Variants in COG5 observed in about 807,000 individuals in gnomAD.
COG5 encodes conserved oligomeric Golgi complex subunit 5.
A neutral mutation model predicts 110.4 loss-of-function variants in COG5; 86 were observed. That is an observed-to-expected ratio of 0.78 (90% CI 0.65 to 0.93). The LOEUF (loss-of-function observed/expected upper bound fraction) is 0.93. Ranked by LOEUF, COG5 falls within the 40% of genes least tolerant of loss-of-function variation. The pLI is 0.00. For missense variants in COG5, 1,077 were observed against 987.0 expected (o/e 1.09, Z -1.22); for synonymous variants, 360 against 334.6 (o/e 1.08, Z -0.83).
chr7:107,350,356 T>A (rs1812024235), intron 10 of COG5, among the ~76,000 whole-genome samples: 2 of 152,316 alleles, frequency 1.3e-5, no homozygotes, highest in South Asian at 4.1e-4. Context: ...CTCTTTTATT[T>A]CGACAACTTG....
intron 11 of COG5, among the ~76,000 whole-genome samples, chr7:107,298,629 A>G (rs1306344189): frequency 6.6e-6 from 1 of 152,196 alleles, no homozygotes; most frequent in African/African-American, 2.4e-5. Flanking sequence ...AAGAATCAAG[A>G]AAATAAGTAC....
chr7:107,356,125 A>C (rs911223934), intron 10 of COG5, among the ~76,000 whole-genome samples: 1 of 152,234 alleles, frequency 6.6e-6, no homozygotes, highest in Non-Finnish European at 1.5e-5. Context: ...AATTATAAAA[A>C]TTATTTAACA....
In COG5 at chr7:107,424,542, AG is replaced by A. The variant is rs749130931; in HGVS notation, c.539-11911del. ...TTTTGAAAAAAAGAAAAACTGCAAA[AG>A]AAATATATCAAACAGAGCTATGGGG... On this transcript the variant is annotated intron_variant, in intron 6 of 21. Coordinates refer to ENST00000297135, the MANE Select transcript of COG5 (RefSeq NM_006348.5). Among the ~76,000 whole-genome samples the A allele has an allele frequency of 1.5e-3, 223 of 152,026 alleles. 1 individual carries two copies. The highest frequency in any genetic ancestry group is 2.8e-3 in the Non-Finnish European group (192 of 67,980).
rs1182410143 is a variant in COG5 at position 107,249,691 on chromosome 7, TG to T, written c.1750-1193del. The stretch of plus-strand genomic sequence containing the variant: ...AAAATAAATATACAACGTACAGGAT[TG>T]TGTGTGTGTGTGTGTGTGTGTGTGT... On this transcript the variant is annotated intron_variant, in intron 16 of 21. Transcript: ENST00000297135. Among the ~76,000 whole-genome samples the T allele has an allele frequency of 4.3e-4, 4 of 9,288 alleles. No individual in the cohort carries two copies. In the East Asian group the frequency reaches 9.5e-3, roughly 22 times the overall value. 6.1% of individuals were successfully genotyped at this position (9,288 alleles called of 152,430 possible).
At chr7:107,523,088 A>G (rs1800452696) in intron 6 of COG5, among the ~76,000 whole-genome samples, 1 of 152,226 alleles carries the variant, frequency 6.6e-6, no homozygotes. Context: ...GAATTCATAG[A>G]TCAAGTTGGG....
intron 19 of COG5, among the ~76,000 whole-genome samples, chr7:107,214,853 G>A (rs1306121129): frequency 2.0e-5 from 3 of 151,540 alleles, no homozygotes; most frequent in South Asian, 4.2e-4. Context: ...ACGGGGAGGT[G>A]GTGGTTGTAG....
intron 14 of COG5, among the ~76,000 whole-genome samples, chr7:107,268,593 A>G (rs752757450): frequency 3.3e-5 from 5 of 152,182 alleles, no homozygotes; most frequent in Admixed American, 6.5e-5. Context: ...TCCCCACCAC[A>G]GTCTCTCATT....
chr7:107,297,020 G>T (rs1314302081), intron 12 of COG5, among the ~76,000 whole-genome samples: 1 of 152,154 alleles, frequency 6.6e-6, no homozygotes, highest in Non-Finnish European at 1.5e-5. Context: ...AGCTGGGCGG[G>T]CTAAACTTGC....
intron 10 of COG5, among the ~76,000 whole-genome samples, chr7:107,325,906 T>C (rs1207924148): frequency 1.3e-5 from 2 of 152,176 alleles, no homozygotes; most frequent in African/African-American, 2.4e-5. Context: ...AATCAAATCA[T>C]TGTTGATTTC....
chr7:107,468,521 T>C (rs1796439798), intron 6 of COG5, among the ~76,000 whole-genome samples: 1 of 152,090 alleles, frequency 6.6e-6, no homozygotes. Context: ...AACGCATGAA[T>C]AGCAGCACAA....
At chr7:107,248,529 A>C (rs762817454) in intron 16 of COG5, 30 bp from the exon 17 acceptor site, 2 of 1,480,666 alleles carry the variant, frequency 1.4e-6, no homozygotes, top group Non-Finnish European at 1.9e-6. Flanking sequence ...AAAAAAAAGA[A>C]GAGGCAAGAT....
chr7:107,214,132 A>G (rs766794080), intron 19 of COG5, among the ~76,000 whole-genome samples: 96 of 152,212 alleles, frequency 6.3e-4, no homozygotes, highest in South Asian at 1.0e-3. Context: ...TGAACTGAAA[A>G]ATTAAATAGC....
At chr7:107,504,714 G>A (rs554339749) in intron 6 of COG5, among the ~76,000 whole-genome samples, 46 of 151,964 alleles carry the variant, frequency 3.0e-4, no homozygotes, top group Admixed American at 1.4e-3. Flanking sequence ...TATTTCTTCC[G>A]GATTTAATCT....
chr7:107,219,928 T>G (rs557854071), intron 19 of COG5, among the ~76,000 whole-genome samples: 12 of 152,324 alleles, frequency 7.9e-5, no homozygotes, highest in African/African-American at 2.9e-4. Flanking sequence ...TTGTACCCCA[T>G]AAGTGTATAC....
intron 1 of COG5, chr7:107,563,569 A>C (rs1804172908): frequency 3.8e-6 from 2 of 532,700 alleles, no homozygotes; most frequent in Non-Finnish European, 6.8e-6. Flanking sequence ...TCGAGTTGAA[A>C]TGAGGAACAC....
At chr7:107,562,278 T>C (rs148585892) in intron 1 of COG5, among the ~76,000 whole-genome samples, 8 of 152,298 alleles carry the variant, frequency 5.3e-5, no homozygotes, top group African/African-American at 1.7e-4. Context: ...TGAAGAGTAT[T>C]TACCGTCCAA....
intron 10 of COG5, among the ~76,000 whole-genome samples, chr7:107,325,672 A>C (rs1266587589): frequency 2.0e-5 from 3 of 151,820 alleles, no homozygotes; most frequent in African/African-American, 7.3e-5. Flanking sequence ...AAACAAACAA[A>C]AAAGTAAGAG....
At chr7:107,529,897 T>C (rs1005874423) in intron 5 of COG5, among the ~76,000 whole-genome samples, 1 of 152,178 alleles carries the variant, frequency 6.6e-6, no homozygotes, top group East Asian at 1.9e-4. Flanking sequence ...CTTGGATATC[T>C]TGCACTGGAA....
At chr7:107,504,901 T>C (rs1798879444) in intron 6 of COG5, among the ~76,000 whole-genome samples, 1 of 152,182 alleles carries the variant, frequency 6.6e-6, no homozygotes, top group Non-Finnish European at 1.5e-5. Context: ...TCTTGGTTCA[T>C]CTAGCTTAAT....
Sources: allele counts gnomAD v4.1 joint callset (sites outside exome capture counted in the v4.1 genomes callset), GRCh38; gene constraint gnomAD v4.1.1; transcripts MANE v1.5; gene names NCBI Gene and HGNC (gene_info 2026-07-23, HGNC 2026-07-21).